SIK3: variants seen among roughly 807,000 people sequenced by gnomAD.
SIK3 encodes serine/threonine-protein kinase SIK3.
SIK3 carries 28 observed loss-of-function variants against 144.2 expected under a neutral mutation model. The ratio of observed to expected loss-of-function variants is 0.19; its 90% CI spans 0.14 to 0.27. The LOEUF (loss-of-function observed/expected upper bound fraction) is 0.27, where lower values mean the gene tolerates loss of function less well. Ranked by LOEUF, SIK3 falls within the 10% of genes least tolerant of loss-of-function variation. SIK3 has a pLI of 1.00. For missense variants in SIK3, 1,319 were observed against 1,776.0 expected (o/e 0.74, Z 4.62); for synonymous variants, 686 against 676.3 (o/e 1.01, Z -0.22).
chr11:116,861,882 T>A lies in SIK3; in HGVS notation c.2274A>T (p.Ala758=), dbSNP rs1247139789. ...PPQPSPPLQA[A]CENQPALLTH... Reference sequence around the variant, plus strand: ...TAAGGAGGGCTGGCTGATTTTCACATGCAGCCTGAAGAGGTGGAGATGGCT... The same window carrying A: ...TAAGGAGGGCTGGCTGATTTTCACAAGCAGCCTGAAGAGGTGGAGATGGCT... The change falls in exon 18 of 25, where the codon GCA becomes GCT. Residue 758 remains alanine, a synonymous_variant. Transcript: ENST00000445177. The A allele has an allele frequency of 6.2e-7, 1 of 1,612,284 alleles. No homozygotes were observed. The highest frequency in any genetic ancestry group is 2.2e-5 in the East Asian group (1 of 44,868).
At chr11:116,884,350 C>CTTTTT (rs71037434) in intron 6 of SIK3, among the ~76,000 whole-genome samples, 1 of 128,168 alleles carries the variant, frequency 7.8e-6, no homozygotes, top group African/African-American at 2.9e-5. Flanking sequence ...CCACATCTGG[C>CTTTTT]TTTTTTTTTT....
intron 6 of SIK3, among the ~76,000 whole-genome samples, chr11:116,884,256 A>G (rs1024365178): frequency 6.6e-6 from 1 of 151,610 alleles, no homozygotes; most frequent in Non-Finnish European, 1.5e-5. Context: ...GTGCAATCAT[A>G]GCTCACTGTA....
At chr11:116,943,126 A>C (rs374370730) in intron 3 of SIK3, among the ~76,000 whole-genome samples, 22 of 152,246 alleles carry the variant, frequency 1.4e-4, no homozygotes, top group African/African-American at 4.3e-4. Flanking sequence ...AAAATAGTCA[A>C]AGGAAAAAGA....
intron 4 of SIK3, among the ~76,000 whole-genome samples, chr11:116,920,651 A>C (rs912890030): frequency 1.3e-5 from 2 of 152,018 alleles, no homozygotes; most frequent in Non-Finnish European, 2.9e-5. Context: ...TCTCCTCTAC[A>C]CCTGATCATC....
intron 6 of SIK3, among the ~76,000 whole-genome samples, chr11:116,877,243 GAA>G (rs1944303814): frequency 6.6e-6 from 1 of 152,202 alleles, no homozygotes; most frequent in Non-Finnish European, 1.5e-5. Flanking sequence ...TGGAGAAAAA[GAA>G]ACTCAAGTGT....
intron 1 of SIK3, among the ~76,000 whole-genome samples, chr11:117,064,664 G>A (rs933479828): frequency 6.6e-6 from 1 of 152,098 alleles, no homozygotes; most frequent in Non-Finnish European, 1.5e-5. Context: ...TTTTTAAAAA[G>A]GCATCTTAAA....
At chr11:117,042,587 A>C (rs1490664620) in intron 1 of SIK3, among the ~76,000 whole-genome samples, 1 of 152,200 alleles carries the variant, frequency 6.6e-6, no homozygotes, top group Non-Finnish European at 1.5e-5. Flanking sequence ...ATTTTCCAGG[A>C]GTCTTTCCTC....
chr11:116,984,893 G>C (rs1258081310), intron 1 of SIK3, among the ~76,000 whole-genome samples: 1 of 152,208 alleles, frequency 6.6e-6, no homozygotes, highest in Admixed American at 6.5e-5. Context: ...TCTGTGTATA[G>C]AGTCCAGAAG....
intron 1 of SIK3, among the ~76,000 whole-genome samples, chr11:116,961,800 G>T (rs1012083164): frequency 6.6e-6 from 1 of 152,050 alleles, no homozygotes; most frequent in African/African-American, 2.4e-5. Flanking sequence ...CTACTAAAGA[G>T]ATAACAGATT....
rs1280469091 is a variant in SIK3 at position 116,870,367 on chromosome 11, C to T, written c.1772G>A (p.Ser591Asn). ...TTCCTGGTCTGGCTCCCCGTCTGAG[C>T]TCTCCTCGTCCACAGGGGTAACTGC... ...VPAVTPVDEE[S>N]SDGEPDQEAV... Residue 591 changes from serine to asparagine, a missense_variant, in exon 14 of 25, where the codon AGC becomes AAC. By Grantham distance (46) the Ser-to-Asn change is conservative (BLOSUM62 1). This residue lies in a region of SIK3 where 167 missense variants were observed against 263.3 expected (regional missense o/e 0.63). Coordinates refer to ENST00000445177, the MANE Select transcript of SIK3 (RefSeq NM_001366686.3). 1 of 1,612,710 alleles carries T rather than the reference C, an allele frequency of 6.2e-7. No homozygotes were observed. The highest frequency in any genetic ancestry group is 1.7e-5 in the Admixed American group (1 of 60,034).
intron 1 of SIK3, among the ~76,000 whole-genome samples, chr11:117,009,833 T>C (rs1951187976): frequency 6.6e-6 from 1 of 152,176 alleles, no homozygotes; most frequent in African/African-American, 2.4e-5. Flanking sequence ...CTCAAAAACA[T>C]TTCTTTCAGA....
intron 4 of SIK3, among the ~76,000 whole-genome samples, chr11:116,909,767 A>G (rs1433534193): frequency 2.0e-5 from 3 of 151,330 alleles, no homozygotes; most frequent in South Asian, 2.1e-4. Context: ...CTCACTGACT[A>G]ACTAAGAACA....
rs537110522 is a variant in SIK3, at chr11:116,866,275, G to C, written c.1952+1671C>G. 7.2e-5 allele frequency among the ~76,000 whole-genome samples: 11 copies of C among 152,262 alleles called. No individual in the cohort carries two copies. The South Asian group carries it at 2.1e-3, about 29-fold the overall frequency. ...AGCTAAACAACAGACTCAGACAAGG[G>C]CTGAAACATTAAGTGTCAGGCTGTG... On this transcript the variant is annotated intron_variant, in intron 15 of 24. Coordinates refer to ENST00000445177, the MANE Select transcript of SIK3 (RefSeq NM_001366686.3).
chr11:117,014,224 A>T (rs1215994382), intron 1 of SIK3, among the ~76,000 whole-genome samples: 1 of 151,798 alleles, frequency 6.6e-6, no homozygotes, highest in African/African-American at 2.4e-5. Context: ...ATTTTAGGGC[A>T]GGAACCAAGT....
intron 21 of SIK3, among the ~76,000 whole-genome samples, chr11:116,855,968 C>A (rs763689342): frequency 3.8e-4 from 58 of 152,284 alleles, no homozygotes; most frequent in Non-Finnish European, 6.9e-4. Context: ...GAGGCCAAGG[C>A]GTGCGGATCA....
At chr11:116,950,374 T>C (rs1332222168) in intron 3 of SIK3, 1 of 259,664 alleles carries the variant, frequency 3.9e-6, no homozygotes, top group Non-Finnish European at 7.9e-6. Flanking sequence ...CAGACCAAAC[T>C]AAATATCAAA....
At chr11:116,847,800 C>G (rs1942101836) in intron 22 of SIK3, among the ~76,000 whole-genome samples, 192 bp from the exon 23 acceptor site, 1 of 152,142 alleles carries the variant, frequency 6.6e-6, no homozygotes, top group Non-Finnish European at 1.5e-5. Flanking sequence ...TTGGCTCTGC[C>G]CAGTGGGGGG....
intron 3 of SIK3, among the ~76,000 whole-genome samples, chr11:116,941,408 T>TAAAAAAAAAAAAAAA: frequency 1.4e-5 from 2 of 142,740 alleles, no homozygotes; most frequent in African/African-American, 2.5e-5. Context: ...TAAAAACATG[T>TAAAAAAAAAAAAAAA]AAAAAAAAAA....
chr11:117,011,121 A>G (rs1402323582), intron 1 of SIK3, among the ~76,000 whole-genome samples: 1 of 152,204 alleles, frequency 6.6e-6, no homozygotes, highest in Non-Finnish European at 1.5e-5. Context: ...CCCTGTCTCA[A>G]ACAAAAACGA....
Sources: gnomAD v4.1 joint callset for allele counts (sites outside exome capture counted in the v4.1 genomes callset) on GRCh38, gnomAD v4.1.1 for gene constraint, gnomAD v4.1.1 regional missense constraint, MANE v1.5 for transcripts, NCBI Gene and HGNC (gene_info 2026-07-23, HGNC 2026-07-21) for gene names.